LRRK2: variants seen among roughly 807,000 people sequenced by gnomAD.
LRRK2 encodes the protein leucine-rich repeat serine/threonine-protein kinase 2.
LRRK2 carries 203 observed loss-of-function variants against 302.6 expected under a neutral mutation model. The observed-to-expected ratio is 0.67, with a 90% CI of 0.60 to 0.75. The LOEUF (loss-of-function observed/expected upper bound fraction) is 0.75, where lower values mean the gene tolerates loss of function less well. LRRK2 is among the 30% of genes least tolerant of loss of function. The pLI is 0.00. For missense variants in LRRK2, 2,830 were observed against 2,951.0 expected (o/e 0.96, Z 0.95); for synonymous variants, 1,066 against 1,031.9 (o/e 1.03, Z -0.63).
intron 50 of LRRK2, 199 bp downstream of exon 50, chr12:40,367,276 A>T (rs1288188063): frequency 3.7e-6 from 2 of 535,842 alleles, no homozygotes; most frequent in African/African-American, 1.9e-5. Flanking sequence ...TTATATTTTC[A>T]GCTGAAGTAG....
At chr12:40,298,798 T>TAAAA (rs10708635) in intron 24 of LRRK2, among the ~76,000 whole-genome samples, 5 of 94,266 alleles carry the variant, frequency 5.3e-5, no homozygotes, top group Admixed American at 2.3e-4. Context: ...TATATATATA[T>TAAAA]AATATATGTA....
Position 40,356,120 on chromosome 12 carries a change from A to G in LRRK2, c.6776A>G (p.Gln2259Arg). Reference protein sequence around the residue: ...YCNSFSKQSKQKNFLLVGTAD... With the variant: ...YCNSFSKQSKRKNFLLVGTAD... The stretch of plus-strand genomic sequence containing the variant: ...TTCAACATTTTTCCTTTTAGCAAAC[A>G]AAAAAATTTTCTTTTGGTTGGAACC... The change falls in exon 46 of 51, where the codon CAA (glutamine) becomes CGA (arginine). Residue 2259 changes from glutamine (Q) to arginine (R), a missense_variant. By Grantham distance (43) the Gln-to-Arg change is conservative. Coordinates refer to ENST00000298910, the MANE Select transcript of LRRK2 (RefSeq NM_198578.4). The G allele has an allele frequency of 6.2e-7, 1 of 1,607,936 alleles. No homozygotes were observed. Among genetic ancestry groups the G allele is most frequent in the Non-Finnish European group, 8.5e-7 (1 of 1,176,098 alleles).
At chr12:40,288,975 A>T (rs985346344) in intron 20 of LRRK2, among the ~76,000 whole-genome samples, 4 of 151,678 alleles carry the variant, frequency 2.6e-5, no homozygotes, top group Non-Finnish European at 4.4e-5. Flanking sequence ...CACTTAAGAA[A>T]CCTTTTCTTA....
intron 46 of LRRK2, among the ~76,000 whole-genome samples, chr12:40,357,117 A>C (rs544135032): frequency 1.3e-5 from 2 of 152,300 alleles, no homozygotes; most frequent in African/African-American, 4.8e-5. Context: ...AGCCTCTGGT[A>C]ACTATCATTC....
chr12:40,296,241 T>C (rs1179649010), intron 23 of LRRK2, among the ~76,000 whole-genome samples: 1 of 152,202 alleles, frequency 6.6e-6, no homozygotes, highest in Non-Finnish European at 1.5e-5. Flanking sequence ...AAATTGACTT[T>C]GCTCACCATT....
chr12:40,289,111 T>G (rs1352633767), intron 20 of LRRK2, among the ~76,000 whole-genome samples: 1 of 152,010 alleles, frequency 6.6e-6, no homozygotes, highest in African/African-American at 2.4e-5. Context: ...AGAGTTGACA[T>G]TTATTTCTTT....
chr12:40,290,132 T>A (rs1944084814), intron 20 of LRRK2, among the ~76,000 whole-genome samples: 1 of 151,998 alleles, frequency 6.6e-6, no homozygotes, highest in Non-Finnish European at 1.5e-5. Flanking sequence ...AGCCTTTTTT[T>A]ATCATTAATA....
At chr12:40,366,271 T>G (rs928268508) in intron 49 of LRRK2, 1 of 151,896 alleles carries the variant, frequency 6.6e-6, no homozygotes, top group Non-Finnish European at 1.5e-5. Flanking sequence ...CATAGCTTTT[T>G]TTCATGCTTA....
At chr12:40,331,575 G>C (rs1235159127) in intron 39 of LRRK2, among the ~76,000 whole-genome samples, 1 of 146,414 alleles carries the variant, frequency 6.8e-6, no homozygotes. Flanking sequence ...ACTAATGATA[G>C]CTGATGAGCT....
intron 11 of LRRK2, 89 bp downstream of exon 11, chr12:40,253,105 A>G (rs559969395): frequency 3.7e-6 from 3 of 816,594 alleles, no homozygotes; most frequent in African/African-American, 1.7e-5. Flanking sequence ...AAAAATTTAC[A>G]TAATTTATAA....
At chr12:40,334,787 A>C (rs1298886239) in intron 39 of LRRK2, among the ~76,000 whole-genome samples, 180 bp from the exon 40 acceptor site, 1 of 152,180 alleles carries the variant, frequency 6.6e-6, no homozygotes, top group African/African-American at 2.4e-5. Context: ...CTGTAGTTTC[A>C]AAACCAGCTT....
rs1944526573 is a variant in LRRK2 at position 40,299,200 on chromosome 12, A to G, written c.3439A>G (p.Asn1147Asp). 6.2e-7 allele frequency: 1 copy of G among 1,613,524 alleles called. No individual in the cohort carries two copies. Among genetic ancestry groups the G allele is most frequent in the African/African-American group, 1.3e-5 (1 of 74,842 alleles). ...SKNHISSLSE[N>D]FLEACPKVES... Reference sequence around the variant, plus strand: ...GAACCACATTTCATCCCTATCAGAGAACTTTCTTGAGGCTTGTCCTAAAGT... The same window carrying G: ...GAACCACATTTCATCCCTATCAGAGGACTTTCTTGAGGCTTGTCCTAAAGT... Residue 1147 changes from asparagine to aspartate, a missense_variant, in exon 25 of 51, where the codon AAC (asparagine) becomes GAC (aspartate). By Grantham distance (23) the Asn-to-Asp change is conservative. Transcript: ENST00000298910.
At chr12:40,290,642 T>C (rs1369918960) in intron 20 of LRRK2, among the ~76,000 whole-genome samples, 2 of 152,114 alleles carry the variant, frequency 1.3e-5, no homozygotes, top group Non-Finnish European at 2.9e-5. Context: ...TCAAGGAATA[T>C]GCCCATTTCA....
Position 40,346,736 on chromosome 12 carries a change from T to C in LRRK2, c.6110-17T>C, listed in dbSNP as rs1451689240. The C allele has an allele frequency of 1.2e-6, 2 of 1,612,676 alleles. No homozygotes were observed. The highest frequency in any genetic ancestry group is 1.7e-6 in the Non-Finnish European group (2 of 1,179,202). On this transcript the variant is annotated splice_polypyrimidine_tract_variant and intron_variant, in intron 41 of 50. Transcript: ENST00000298910. ...CTGATGTTGGTCATATTTATTATTT[T>C]ATCTGCTTACTTTCAGGGTTTCGTG...
intron 45 of LRRK2, 73 bp downstream of exon 45, chr12:40,354,565 T>C: frequency 7.6e-7 from 1 of 1,309,302 alleles, no homozygotes; most frequent in Non-Finnish European, 1.1e-6. Context: ...ATAATTGTTA[T>C]TGCATCAGCA....
chr12:40,346,817 A>G lies in LRRK2; in HGVS notation c.6174A>G (p.Ser2058=), dbSNP rs112878083. The G allele has an allele frequency of 6.2e-7, 1 of 1,613,984 alleles. No individual in the cohort carries two copies. Among genetic ancestry groups the G allele is most frequent in the East Asian group, 2.2e-5 (1 of 44,838 alleles). ...ATAACCAACAGGCTGATGTTTATTC[A>G]TTTGGTTTACTACTCTATGACATTT... ...VIYNQQADVY[S]FGLLLYDILT... Residue 2058 remains serine (S), a synonymous_variant, in exon 42 of 51, where the codon TCA becomes TCG. Coordinates refer to ENST00000298910, the MANE Select transcript of LRRK2 (RefSeq NM_198578.4).
chr12:40,315,433 A>G (rs758787728), intron 33 of LRRK2, 133 bp downstream of exon 33: 11 of 750,994 alleles, frequency 1.5e-5, no homozygotes, highest in Non-Finnish European at 2.2e-5. Context: ...AAACTGTGGA[A>G]CATTTCACAT....
chr12:40,322,126 C>T lies in LRRK2; in HGVS notation c.5262C>T (p.Val1754=). ...CTTATTGTCTGGTAGGATCTGAAGT[C>T]TTAGACAATCATCCAGAGAGTTTCT... The part of the protein sequence containing the change: ...PEAYCLVGSE[V]LDNHPESFLK... The change falls in exon 36 of 51, where the codon GTC becomes GTT. Residue 1754 remains valine, a synonymous_variant. Coordinates refer to ENST00000298910, the MANE Select transcript of LRRK2 (RefSeq NM_198578.4). 1 of 1,612,630 alleles carries T rather than the reference C, an allele frequency of 6.2e-7. No homozygotes were observed. Among genetic ancestry groups the T allele is most frequent in the African/African-American group, 1.3e-5 (1 of 74,868 alleles).
Position 40,238,233 on chromosome 12 carries a change from C to G in LRRK2, c.571+130C>G. On this transcript the variant is annotated intron_variant, in intron 5 of 50. Transcript: ENST00000298910. Reference sequence around the variant, plus strand: ...CTATTTATTAAGAAGTGGGAGTTGTCTGTCAAGGGTGAGGAATGGGGTTAA... The same window carrying G: ...CTATTTATTAAGAAGTGGGAGTTGTGTGTCAAGGGTGAGGAATGGGGTTAA... 4.4e-6 allele frequency: 4 copies of G among 919,282 alleles called. No individual in the cohort carries two copies. The East Asian group carries it at 1.0e-4, about 24-fold the overall frequency. 56.9% of individuals were successfully genotyped at this position (919,282 alleles called of 1,614,324 possible).
Sources: gnomAD v4.1 joint callset for allele counts (sites outside exome capture counted in the v4.1 genomes callset) on GRCh38, gnomAD v4.1.1 for gene constraint, MANE v1.5 for transcripts, NCBI Gene and HGNC (gene_info 2026-07-23, HGNC 2026-07-21) for gene names.